Variants in PKD1L1 observed in about 807,000 individuals in gnomAD.
The protein encoded by PKD1L1 is polycystin-1-like protein 1.
PKD1L1 carries 236 observed loss-of-function variants against 323.4 expected under a neutral mutation model. That is an observed-to-expected ratio of 0.73 (90% CI 0.66 to 0.81). The LOEUF is 0.81. PKD1L1 is among the 40% of genes least tolerant of loss of function. The pLI is 0.00. For synonymous variants in PKD1L1, 1,344 were observed against 1,335.0 expected (o/e 1.01, Z -0.15); for missense variants, 3,320 against 3,508.0 (o/e 0.95, Z 1.35).
chr7:47,890,243 C>T (rs1004293758), intron 16 of PKD1L1, among the ~76,000 whole-genome samples: 3 of 152,342 alleles, frequency 2.0e-5, no homozygotes, highest in Non-Finnish European at 4.4e-5. Flanking sequence ...AGTCCCCGAT[C>T]TTTCAGGCAG....
intron 32 of PKD1L1, among the ~76,000 whole-genome samples, chr7:47,846,013 A>G (rs1785658977): frequency 6.6e-6 from 1 of 152,244 alleles, no homozygotes; most frequent in Non-Finnish European, 1.5e-5. Flanking sequence ...GGCCATTACC[A>G]GTAAGTTTGG....
chr7:47,888,748 C>G (rs1007506227), intron 16 of PKD1L1, among the ~76,000 whole-genome samples: 1 of 152,226 alleles, frequency 6.6e-6, no homozygotes, highest in Non-Finnish European at 1.5e-5. Context: ...GCCCACCTCC[C>G]TTGGGCCTGC....
Position 47,831,294 on chromosome 7 carries a change from C to T in PKD1L1, c.6396G>A (p.Trp2132Ter), listed in dbSNP as rs765720584. The stretch of plus-strand genomic sequence containing the variant: ...AAATGGCCCACACTGCAGAGCTCCA[C>T]CAAGGCTGAAGGGCCCTTGACCACT... ...MPQWSRALQPWWSSAVWAICG... is the reference protein window; with the variant it reads ...MPQWSRALQP The change falls in exon 42 of 57, where the codon TGG (tryptophan) becomes TGA (stop). Residue 2132 changes from tryptophan to a stop codon, truncating the protein, a stop_gained. Coordinates refer to ENST00000289672, the MANE Select transcript of PKD1L1 (RefSeq NM_138295.5). LOFTEE classifies it high-confidence loss of function. The T allele has an allele frequency of 9.3e-6, 15 of 1,614,048 alleles. No individual in the cohort carries two copies. The highest frequency in any genetic ancestry group is 1.2e-5 in the Non-Finnish European group (14 of 1,180,022).
chr7:47,841,359 C>T (rs985735814), intron 34 of PKD1L1, among the ~76,000 whole-genome samples: 15 of 152,182 alleles, frequency 9.9e-5, no homozygotes, highest in Admixed American at 3.3e-4. Context: ...GGTCATGACA[C>T]GATCTCAGGT....
Position 47,811,884 on chromosome 7 carries a change from G to A in PKD1L1, c.7514C>T (p.Ser2505Phe). The stretch of plus-strand genomic sequence containing the variant: ...GAAGATGCTGAATGACTCCACCAGG[G>A]ATGAGGGGACGAGACTCCCCGTAGG... ...ILPTGSLVPS[S>F]LVESFSIFRS... Residue 2505 changes from serine to phenylalanine, a missense_variant, in exon 50 of 57, where the codon TCC (serine) becomes TTC (phenylalanine). Ser to Phe is a radical substitution (Grantham distance 155). Transcript: ENST00000289672. The A allele has an allele frequency of 6.2e-7, 1 of 1,611,316 alleles. No homozygotes were observed. The highest frequency in any genetic ancestry group is 8.5e-7 in the Non-Finnish European group (1 of 1,178,994).
chr7:47,907,151 A>G (rs1314839276), intron 9 of PKD1L1, among the ~76,000 whole-genome samples: 2 of 151,160 alleles, frequency 1.3e-5, no homozygotes, highest in African/African-American at 5.0e-5. Flanking sequence ...TATGTATGTC[A>G]TAACTTCTTG....
chr7:47,885,819 G>A lies in PKD1L1; in HGVS notation c.3072C>T (p.Asp1024=). 10 of 1,614,210 alleles carry A rather than the reference G, an allele frequency of 6.2e-6. No homozygotes were observed. Among genetic ancestry groups the A allele is most frequent in the Non-Finnish European group, 8.5e-6 (10 of 1,180,040 alleles). ...TGVYWIPPAG[D]SAVLGEAPEE... ...CTGGAGCCTCCCCCAGGACTGCAGAGTCCCCCGCAGGAGGAATCCAGTAGA... is the reference window on the plus strand; with the variant it reads ...CTGGAGCCTCCCCCAGGACTGCAGAATCCCCCGCAGGAGGAATCCAGTAGA... The change falls in exon 18 of 57, where the codon GAC becomes GAT. Residue 1024 remains aspartate, a synonymous_variant. Transcript: ENST00000289672.
intron 8 of PKD1L1, among the ~76,000 whole-genome samples, chr7:47,911,586 T>G (rs1787322299): frequency 6.6e-6 from 1 of 152,324 alleles, no homozygotes; most frequent in Non-Finnish European, 1.5e-5. Flanking sequence ...CTACTTAATC[T>G]TCTAGGAGTT....
chr7:47,915,318 G>A (rs1277271210), intron 8 of PKD1L1, 114 bp downstream of exon 8: 1 of 650,054 alleles, frequency 1.5e-6, no homozygotes, highest in African/African-American at 1.8e-5. Context: ...GTAGCCCATA[G>A]AGTGTATAGC....
At chr7:47,863,234 C>T (rs980677397) in intron 26 of PKD1L1, among the ~76,000 whole-genome samples, 6 of 152,070 alleles carry the variant, frequency 3.9e-5, no homozygotes, top group South Asian at 2.1e-4. Context: ...AGGAGGAACA[C>T]GGGGTTGGAA....
At chr7:47,794,209 T>C (rs753707856) in intron 55 of PKD1L1, among the ~76,000 whole-genome samples, 3 of 152,152 alleles carry the variant, frequency 2.0e-5, no homozygotes, top group Non-Finnish European at 4.4e-5. Flanking sequence ...CCCAAGGCCA[T>C]GGGGAAAATG....
chr7:47,957,862 A>ATATATATATATATATATAT, the PKD1L1 span, among the ~76,000 whole-genome samples: 107 of 134,682 alleles, frequency 7.9e-4, 2 homozygotes, highest in East Asian at 2.5e-3. Flanking sequence ...ATTAAAAAAA[A>ATATATATATATATATATAT]ATATATATAT....
At chr7:47,929,127 T>G in intron 7 of PKD1L1, 77 bp downstream of exon 7, 1 of 1,434,108 alleles carries the variant, frequency 7.0e-7, no homozygotes, top group Non-Finnish European at 9.5e-7. Context: ...TTCTTTTCTT[T>G]TCCCAACACT....
intron 56 of PKD1L1, among the ~76,000 whole-genome samples, chr7:47,788,307 TTTTTA>T (rs1786857625): frequency 6.7e-6 from 1 of 150,340 alleles, no homozygotes; most frequent in Non-Finnish European, 1.5e-5. Flanking sequence ...TATTCATATA[TTTTTA>T]TTTTATTTAT....
At chr7:47,896,549 G>A (rs77202138) in intron 14 of PKD1L1, among the ~76,000 whole-genome samples, 1 of 151,698 alleles carries the variant, frequency 6.6e-6, no homozygotes, top group East Asian at 1.9e-4. Flanking sequence ...GTTTGGGGGG[G>A]ACTTAGGATT....
rs1787714011 is a variant in PKD1L1, at chr7:47,929,241, C to T, written c.1023G>A (p.Glu341=). Residue 341 remains glutamate, a synonymous_variant, in exon 7 of 57, where the codon GAG becomes GAA. Coordinates refer to ENST00000289672, the MANE Select transcript of PKD1L1 (RefSeq NM_138295.5). ...GGTGGTAGGCAGTCACCGCCATTGC[C>T]TCAGACATGTTGTGTAGCCTCATTT... is the stretch of plus-strand genomic sequence containing the variant. ...GVEMRLHNMS[E]AMAVTAYHQY... 1.2e-6 allele frequency: 2 copies of T among 1,614,156 alleles called. No homozygotes were observed. The highest frequency in any genetic ancestry group is 8.5e-7 in the Non-Finnish European group (1 of 1,180,026).
At position 47,908,194 on chromosome 7, in the gene PKD1L1, C is replaced by T; in HGVS notation, c.1285G>A (p.Glu429Lys). Residue 429 changes from glutamate (E) to lysine (K), a missense_variant, in exon 9 of 57, where the codon GAG (glutamate) becomes AAG (lysine). Coordinates refer to ENST00000289672, the MANE Select transcript of PKD1L1 (RefSeq NM_138295.5). The part of the protein sequence containing the change: ...IYNEFHGTEV[E>K]LGPYYVEIGH... ...ATCTCCACATAATAAGGCCCAAGCT[C>T]CACTTCGGTTCCATGAAACTCGTTA... is the stretch of plus-strand genomic sequence containing the variant. 2 of 1,614,224 alleles carry T rather than the reference C, an allele frequency of 1.2e-6. No individual in the cohort carries two copies. Among genetic ancestry groups the T allele is most frequent in the Non-Finnish European group, 1.7e-6 (2 of 1,180,030 alleles).
At position 47,931,224 on chromosome 7, in the gene PKD1L1, G is replaced by A. The variant is rs745425347; in HGVS notation, c.617C>T (p.Thr206Met). The change falls in exon 6 of 57, where the codon ACG (threonine) becomes ATG (methionine). Residue 206 changes from threonine to methionine, a missense_variant. Coordinates refer to ENST00000289672, the MANE Select transcript of PKD1L1 (RefSeq NM_138295.5). ...RLLCCAEDVATGLLPGTVTME... is the reference protein window; with the variant it reads ...RLLCCAEDVAMGLLPGTVTME... ...CGTGACAGTCCCAGGAAGCAGCCCC[G>A]TGGCCACATCCTCCGCACAGCACAG... 11 of 1,614,120 alleles carry A rather than the reference G, an allele frequency of 6.8e-6. No individual in the cohort carries two copies. The highest frequency in any genetic ancestry group is 1.1e-5 in the South Asian group (1 of 91,094).
intron 41 of PKD1L1, among the ~76,000 whole-genome samples, chr7:47,831,996 G>C (rs745826618): frequency 6.6e-6 from 1 of 152,214 alleles, no homozygotes; most frequent in Non-Finnish European, 1.5e-5. Flanking sequence ...GCCCCATACA[G>C]CTCTTCATAC....
Sources: gnomAD v4.1 joint callset for allele counts (sites outside exome capture counted in the v4.1 genomes callset) on GRCh38, gnomAD v4.1.1 for gene constraint, MANE v1.5 for transcripts, NCBI Gene and HGNC (gene_info 2026-07-23, HGNC 2026-07-21) for gene names.